DYNLT2B: variants seen among roughly 807,000 people sequenced by gnomAD.
DYNLT2B encodes the protein dynein light chain Tctex-type protein 2B.
In DYNLT2B, 14 loss-of-function variants were observed where a neutral mutation model predicts 19.5. The observed-to-expected ratio is 0.72, with a 90% CI of 0.47 to 1.12. The LOEUF is 1.12. DYNLT2B is among the 50% of genes most tolerant of loss of function. The probability of loss-of-function intolerance (pLI) is 0.00; values close to 1 mark genes in which losing one functional copy is unlikely to be tolerated. For synonymous variants in DYNLT2B, 70 were observed against 59.7 expected (o/e 1.17, Z -0.79); for missense variants, 133 against 174.7 (o/e 0.76, Z 1.35).
intron 2 of DYNLT2B, among the ~76,000 whole-genome samples, chr3:196,307,562 CAA>C (rs1296375485): frequency 3.3e-5 from 5 of 152,036 alleles, no homozygotes. Context: ...CTTGGCCTCC[CAA>C]AGTGCTGGGA....
chr3:196,315,807 G>C (rs181016562), intron 2 of DYNLT2B, among the ~76,000 whole-genome samples: 3 of 152,274 alleles, frequency 2.0e-5, no homozygotes, highest in African/African-American at 4.8e-5. Context: ...GGGAGGCGGA[G>C]TTTGCAGTGA....
rs189625409 is a variant in DYNLT2B at position 196,298,611 on chromosome 3, T to C, written c.318-2542A>G. Among the ~76,000 whole-genome samples, 3 of 151,856 alleles carry C rather than the reference T, an allele frequency of 2.0e-5. No homozygotes were observed. In the East Asian group the frequency reaches 5.8e-4, roughly 29 times the overall value. ...TTACAGGTGTGACTTGGAAAAAGTG[T>C]AATGGTACAGTTTGTAGCAGGCTAA... On this transcript the variant is annotated intron_variant, in intron 3 of 4. Coordinates refer to ENST00000325318, the MANE Select transcript of DYNLT2B (RefSeq NM_152773.5).
At position 196,318,208 on chromosome 3, in the gene DYNLT2B, C is replaced by T; in HGVS notation, c.-56G>A. 1 of 1,074,846 alleles carries T rather than the reference C, an allele frequency of 9.3e-7. No homozygotes were observed. The highest frequency in any genetic ancestry group is 1.3e-6 in the Non-Finnish European group (1 of 784,462). 66.6% of individuals were successfully genotyped at this position (1,074,846 alleles called of 1,614,324 possible). A position where few individuals can be genotyped will look rare whatever the true frequency, so the allele number is the denominator to read the frequency against. On this transcript the variant is annotated 5_prime_UTR_variant, in exon 1 of 5. Coordinates refer to ENST00000325318, the MANE Select transcript of DYNLT2B (RefSeq NM_152773.5). ...CGATGAAGGCCTAGCGGGTTGCGGT[C>T]GCGGCCGGCAGCAGGGAAAGCGTCT...
intron 4 of DYNLT2B, among the ~76,000 whole-genome samples, chr3:196,295,529 A>T (rs1409338997): frequency 6.6e-6 from 1 of 152,068 alleles, no homozygotes; most frequent in African/African-American, 2.4e-5. Flanking sequence ...AGATAAAGTA[A>T]TAAATTTTAC....
intron 2 of DYNLT2B, among the ~76,000 whole-genome samples, chr3:196,309,743 A>G (rs1577392269): frequency 6.6e-6 from 1 of 151,792 alleles, no homozygotes; most frequent in South Asian, 2.1e-4. Flanking sequence ...ACTTGAGGTG[A>G]GGAGTTTGAG....
intron 2 of DYNLT2B, among the ~76,000 whole-genome samples, chr3:196,313,943 CA>C (rs1726705302): frequency 6.6e-6 from 1 of 151,876 alleles, no homozygotes; most frequent in East Asian, 1.9e-4. Context: ...ACTAAAAACA[CA>C]AAAATTAGCC....
intron 2 of DYNLT2B, among the ~76,000 whole-genome samples, chr3:196,315,670 T>C (rs1357161965): frequency 1.3e-5 from 2 of 151,934 alleles, no homozygotes; most frequent in African/African-American, 4.8e-5. Context: ...GTCAGGAGTT[T>C]GAGACCAGCC....
chr3:196,308,453 T>C (rs1398516843), intron 2 of DYNLT2B, among the ~76,000 whole-genome samples: 2 of 152,230 alleles, frequency 1.3e-5, no homozygotes. Context: ...ACCATTTAGC[T>C]GTTTACTCCA....
intron 3 of DYNLT2B, among the ~76,000 whole-genome samples, chr3:196,306,279 TTAGCCAGGTG>T (rs1726484113): frequency 7.9e-6 from 1 of 127,340 alleles, no homozygotes; most frequent in South Asian, 2.4e-4. Context: ...AGAAAGAAAA[TTAGCCAGGTG>T]TGGTGGTGCA....
chr3:196,306,506 T>G (rs1344292357), intron 3 of DYNLT2B, among the ~76,000 whole-genome samples: 2 of 152,130 alleles, frequency 1.3e-5, no homozygotes, highest in African/African-American at 2.4e-5. Flanking sequence ...CAGCATATTT[T>G]ATGATATTAA....
At chr3:196,293,671 A>C (rs1726148353) in intron 4 of DYNLT2B, among the ~76,000 whole-genome samples, 1 of 135,206 alleles carries the variant, frequency 7.4e-6, no homozygotes, top group Non-Finnish European at 1.6e-5. Flanking sequence ...TTTGAGACAG[A>C]GTCTCGCTCT....
At chr3:196,314,572 C>A (rs761983950) in intron 2 of DYNLT2B, among the ~76,000 whole-genome samples, 1 of 151,768 alleles carries the variant, frequency 6.6e-6, no homozygotes, top group African/African-American at 2.4e-5. Flanking sequence ...CAGCAGTTTG[C>A]GAGGCCTAGG....
At chr3:196,317,931 G>T (rs1726926699) in intron 1 of DYNLT2B, 109 bp downstream of exon 1, 8 of 479,694 alleles carry the variant, frequency 1.7e-5, no homozygotes, top group Non-Finnish European at 2.5e-5. Context: ...CCCGCCCCGC[G>T]GACCCCGCGC....
At chr3:196,295,340 T>C (rs1327927121) in intron 4 of DYNLT2B, among the ~76,000 whole-genome samples, 1 of 152,142 alleles carries the variant, frequency 6.6e-6, no homozygotes, top group Non-Finnish European at 1.5e-5. Flanking sequence ...TTTATATTTT[T>C]AGTAGAGACA....
intron 1 of DYNLT2B, among the ~76,000 whole-genome samples, chr3:196,317,618 T>C (rs1390668990): frequency 6.6e-6 from 1 of 152,098 alleles, no homozygotes; most frequent in Non-Finnish European, 1.5e-5. Context: ...CGGGTAGGAC[T>C]TCGCACAGAT....
At chr3:196,300,929 C>A (rs971264327) in intron 3 of DYNLT2B, among the ~76,000 whole-genome samples, 1 of 151,484 alleles carries the variant, frequency 6.6e-6, no homozygotes, top group African/African-American at 2.4e-5. Context: ...CGTGGTGGCT[C>A]ATGCCTACGG....
chr3:196,305,506 T>A (rs1209697970), intron 3 of DYNLT2B: 2 of 151,888 alleles, frequency 1.3e-5, no homozygotes, highest in Admixed American at 1.3e-4. Context: ...AAAAAATAAA[T>A]AAATAAATAA....
At chr3:196,299,096 T>C (rs1204705295) in intron 3 of DYNLT2B, among the ~76,000 whole-genome samples, 1 of 150,708 alleles carries the variant, frequency 6.6e-6, no homozygotes, top group Non-Finnish European at 1.5e-5. Flanking sequence ...TTTTCTTTTT[T>C]TTTTTTGAGA....
chr3:196,307,845 T>A (rs1422294776), intron 2 of DYNLT2B, among the ~76,000 whole-genome samples: 1 of 151,318 alleles, frequency 6.6e-6, no homozygotes, highest in East Asian at 2.0e-4. Context: ...TCTCAGAAGG[T>A]GAGGCCAGTG....
Sources: allele counts gnomAD v4.1 joint callset (sites outside exome capture counted in the v4.1 genomes callset), GRCh38; gene constraint gnomAD v4.1.1; transcripts MANE v1.5; gene names NCBI Gene and HGNC (gene_info 2026-07-23, HGNC 2026-07-21).